The following CBLB variants were observed in gnomAD, a reference collection of about 807,000 sequenced individuals.
CBLB encodes the protein Cbl proto-oncogene B.
In CBLB, 31 loss-of-function variants were observed where a neutral mutation model predicts 104.9. That is an observed-to-expected ratio of 0.30 (90% confidence interval 0.22 to 0.40). The LOEUF (loss-of-function observed/expected upper bound fraction) is 0.40, where lower values mean the gene tolerates loss of function less well. Ranked by LOEUF, CBLB falls within the 10% of genes least tolerant of loss-of-function variation. The pLI, the probability that CBLB is intolerant of heterozygous loss-of-function variation, is 1.00. For synonymous variants in CBLB, 440 were observed against 422.6 expected (o/e 1.04, Z -0.51); for missense variants, 1,062 against 1,214.6 (o/e 0.87, Z 1.87).
At chr3:105,747,563 GAAT>G (rs946589860) in intron 5 of CBLB, among the ~76,000 whole-genome samples, 1 of 152,066 alleles carries the variant, frequency 6.6e-6, no homozygotes, top group Non-Finnish European at 1.5e-5. Flanking sequence ...GCGCTCTAGA[GAAT>G]AATAATATGA....
chr3:105,720,276 T>C (rs1410322639), intron 9 of CBLB, 26 bp from the exon 10 acceptor site: 1 of 1,584,554 alleles, frequency 6.3e-7, no homozygotes, highest in Non-Finnish European at 8.6e-7. Flanking sequence ...ATGCATGGAT[T>C]GGTTTTGTTC....
intron 5 of CBLB, among the ~76,000 whole-genome samples, 188 bp downstream of exon 5, chr3:105,751,274 G>A (rs2076563632): frequency 6.6e-6 from 1 of 152,128 alleles, no homozygotes; most frequent in Non-Finnish European, 1.5e-5. Flanking sequence ...AAGCCAAATG[G>A]CTCACTCTAA....
intron 4 of CBLB, among the ~76,000 whole-genome samples, chr3:105,756,224 T>C (rs997451535): frequency 3.3e-5 from 5 of 152,184 alleles, no homozygotes; most frequent in Non-Finnish European, 7.4e-5. Context: ...GCTTTATATG[T>C]AGAAAATACA....
intron 3 of CBLB, among the ~76,000 whole-genome samples, chr3:105,848,548 T>C (rs1287876979): frequency 6.6e-6 from 1 of 152,098 alleles, no homozygotes; most frequent in African/African-American, 2.4e-5. Flanking sequence ...CAGTTCAGAA[T>C]TGACACCTAA....
At chr3:105,714,558 A>G (rs899389129) in intron 10 of CBLB, among the ~76,000 whole-genome samples, 2 of 152,154 alleles carry the variant, frequency 1.3e-5, no homozygotes, top group African/African-American at 4.8e-5. Flanking sequence ...AATAGAGTTC[A>G]TACTCCTTTG....
At chr3:105,869,159 C>T (rs938692626), upstream of CBLB, 3 of 614,546 alleles carry the variant, frequency 4.9e-6, no homozygotes, top group Non-Finnish European at 7.4e-6. Flanking sequence ...GTCCTCCTCG[C>T]GCTGCCGCCC....
At chr3:105,732,534 G>T (rs1321733876) in intron 9 of CBLB, among the ~76,000 whole-genome samples, 1 of 152,094 alleles carries the variant, frequency 6.6e-6, no homozygotes, top group Non-Finnish European at 1.5e-5. Flanking sequence ...CGTTACTGAG[G>T]TAGCAAAGAT....
chr3:105,829,029 C>T (rs1424630517), intron 3 of CBLB, among the ~76,000 whole-genome samples: 1 of 151,486 alleles, frequency 6.6e-6, no homozygotes, highest in African/African-American at 2.4e-5. Context: ...TTTTAAGTTA[C>T]AGTCTTTCTT....
chr3:105,679,079 A>T (rs945993597), intron 16 of CBLB, among the ~76,000 whole-genome samples: 3 of 152,064 alleles, frequency 2.0e-5, no homozygotes, highest in African/African-American at 7.2e-5. Flanking sequence ...ATTTAACCTA[A>T]TGTTTCATAT....
At chr3:105,752,408 T>C (rs1277910544) in intron 4 of CBLB, among the ~76,000 whole-genome samples, 1 of 152,202 alleles carries the variant, frequency 6.6e-6, no homozygotes. Flanking sequence ...TGAAAATTAG[T>C]GACACCCAGG....
chr3:105,824,550 T>C (rs574279146), intron 3 of CBLB, among the ~76,000 whole-genome samples: 5 of 152,220 alleles, frequency 3.3e-5, no homozygotes, highest in African/African-American at 1.2e-4. Flanking sequence ...TCAGCCTGAC[T>C]TTAGCGAATT....
intron 4 of CBLB, among the ~76,000 whole-genome samples, chr3:105,770,306 G>T (rs2152952172): frequency 6.6e-6 from 1 of 152,224 alleles, no homozygotes; most frequent in South Asian, 2.1e-4. Flanking sequence ...GTGCGAGAGG[G>T]GAAGAGTCTG....
At chr3:105,713,638 A>G (rs1329254002) in intron 10 of CBLB, among the ~76,000 whole-genome samples, 1 of 152,210 alleles carries the variant, frequency 6.6e-6, no homozygotes, top group African/African-American at 2.4e-5. Flanking sequence ...CACTTGGATG[A>G]TGCAGTTGTT....
At chr3:105,793,541 A>T (rs1341813824) in intron 3 of CBLB, among the ~76,000 whole-genome samples, 1 of 151,880 alleles carries the variant, frequency 6.6e-6, no homozygotes, top group Non-Finnish European at 1.5e-5. Context: ...TATTTAGTTC[A>T]TCAAATAACA....
intron 2 of CBLB, among the ~76,000 whole-genome samples, chr3:105,866,724 T>TA (rs1279001504): frequency 6.6e-6 from 1 of 152,190 alleles, no homozygotes; most frequent in Non-Finnish European, 1.5e-5. Flanking sequence ...CTTGTGAAAT[T>TA]ATAGTTTGTC....
intron 3 of CBLB, among the ~76,000 whole-genome samples, chr3:105,801,241 T>G (rs2082829503): frequency 6.6e-6 from 1 of 152,172 alleles, no homozygotes; most frequent in Non-Finnish European, 1.5e-5. Context: ...AACAGATAAA[T>G]GGTCTATAAC....
chr3:105,755,339 A>G (rs1179064497), intron 4 of CBLB, among the ~76,000 whole-genome samples: 1 of 152,152 alleles, frequency 6.6e-6, no homozygotes, highest in Non-Finnish European at 1.5e-5. Context: ...TAAATCTGGA[A>G]AGGTGTCAGC....
At chr3:105,748,420 G>A (rs1056640591) in intron 5 of CBLB, among the ~76,000 whole-genome samples, 9 of 151,980 alleles carry the variant, frequency 5.9e-5, no homozygotes, top group African/African-American at 2.2e-4. Flanking sequence ...TAGTCAATAG[G>A]ATATTCTACT....
intron 10 of CBLB, 73 bp from the exon 11 acceptor site, chr3:105,704,246 T>G (rs559240577): frequency 7.2e-7 from 1 of 1,397,872 alleles, no homozygotes. Flanking sequence ...AAAGAATATA[T>G]TTGGTTGGAA....
Sources: gnomAD v4.1 joint callset for allele counts (sites outside exome capture counted in the v4.1 genomes callset) on GRCh38, gnomAD v4.1.1 for gene constraint, MANE v1.5 for transcripts, NCBI Gene and HGNC (gene_info 2026-07-23, HGNC 2026-07-21) for gene names.